ALG6: variants seen among roughly 807,000 people sequenced by gnomAD.
ALG6 encodes the protein dolichyl pyrophosphate Man9GlcNAc2 alpha-1,3-glucosyltransferase.
A neutral mutation model predicts 66.6 loss-of-function variants in ALG6; 46 were observed. The observed-to-expected ratio is 0.69, with a 90% confidence interval of 0.55 to 0.88. The LOEUF (loss-of-function observed/expected upper bound fraction) is 0.88, where lower values mean the gene tolerates loss of function less well. ALG6 is among the 40% of genes least tolerant of loss of function. The pLI is 0.00. For synonymous variants in ALG6, 185 were observed against 203.7 expected (o/e 0.91, Z 0.78); for missense variants, 505 against 586.8 (o/e 0.86, Z 1.44).
chr1:63,411,409 A>G (rs1265307945), intron 8 of ALG6, 78 bp downstream of exon 8: 18 of 1,327,394 alleles, frequency 1.4e-5, no homozygotes, highest in East Asian at 2.4e-5. Flanking sequence ...CAGTAAGATG[A>G]TCTTTCACTT....
intron 2 of ALG6, among the ~76,000 whole-genome samples, chr1:63,378,856 A>T: frequency 7.2e-6 from 1 of 138,092 alleles, no homozygotes; most frequent in Non-Finnish European, 1.5e-5. Flanking sequence ...GCTGTGCTTA[A>T]TTTGTTTGTT....
In ALG6 at chr1:63,393,703, C is replaced by T. The variant is rs1648737471; in HGVS notation, c.83-2810C>T. ...TTTTTGGGTGAGAACTCATATATGGCACTGTGTTAAAGCAACCTCGGCAAA... is the reference window on the plus strand; with the variant it reads ...TTTTTGGGTGAGAACTCATATATGGTACTGTGTTAAAGCAACCTCGGCAAA... On this transcript the variant is annotated intron_variant, in intron 2 of 14. Coordinates refer to ENST00000263440, the MANE Select transcript of ALG6 (RefSeq NM_013339.4). 4.6e-5 allele frequency among the ~76,000 whole-genome samples: 7 copies of T among 152,250 alleles called. No homozygotes were observed. In the South Asian group the frequency reaches 1.5e-3, roughly 32 times the overall value.
intron 14 of ALG6, among the ~76,000 whole-genome samples, chr1:63,436,375 C>T (rs1172116591): frequency 6.6e-6 from 1 of 152,128 alleles, no homozygotes; most frequent in Non-Finnish European, 1.5e-5. Flanking sequence ...TACTGACCTG[C>T]CAAACACTAG....
rs746703376 is a variant in ALG6 at position 63,371,068 on chromosome 1, T to G, written c.82+9T>G. 6.3e-7 allele frequency: 1 copy of G among 1,584,714 alleles called. No individual in the cohort carries two copies. Among genetic ancestry groups the G allele is most frequent in the Admixed American group, 1.7e-5 (1 of 59,962 alleles). ...TCTTAATTCTTATTCAGGTAATACA[T>G]TTTTACTGGTTAAAAAAAAAACGAA... On this transcript the variant is annotated intron_variant, in intron 2 of 14. Coordinates refer to ENST00000263440, the MANE Select transcript of ALG6 (RefSeq NM_013339.4).
At chr1:63,391,076 C>G (rs1648659845) in intron 2 of ALG6, among the ~76,000 whole-genome samples, 3 of 152,170 alleles carry the variant, frequency 2.0e-5, no homozygotes, top group South Asian at 4.1e-4. Context: ...CCATCCTGCT[C>G]TGCCTCCTCT....
Position 63,370,758 on chromosome 1 carries a change from T to A in ALG6, c.-207-13T>A, listed in dbSNP as rs1647895845. The A allele has an allele frequency of 3.5e-6, 2 of 563,928 alleles. No individual in the cohort carries two copies. The highest frequency in any genetic ancestry group is 4.0e-5 in the South Asian group (2 of 49,606). 34.9% of individuals were successfully genotyped at this position (563,928 alleles called of 1,614,324 possible). ...ACTCAGCTGAATCTTGATATCTTTT[T>A]TTTTCCCCTTAGGATACTTCTACAT... On this transcript the variant is annotated splice_polypyrimidine_tract_variant and intron_variant, in intron 1 of 14. Transcript: ENST00000263440.
At chr1:63,431,942 G>T (rs547062680) in intron 14 of ALG6, among the ~76,000 whole-genome samples, 1 of 152,120 alleles carries the variant, frequency 6.6e-6, no homozygotes, top group East Asian at 1.9e-4. Flanking sequence ...AATGTAATCT[G>T]CAAACCATGA....
At position 63,402,272 on chromosome 1, in the gene ALG6, T is replaced by A; in HGVS notation, c.186T>A (p.Asp62Glu). ...TTTTCAGGTATTTTAACAGCAGTGA[T>A]AACAATTTACAGTATTGGGGATTGG... The part of the protein sequence containing the change: ...PVKQWYFNSS[D>E]NNLQYWGLDY... The change falls in exon 4 of 15, where the codon GAT (aspartate) becomes GAA (glutamate). Residue 62 changes from aspartate (D) to glutamate (E), a missense_variant. Physicochemically the swap from Asp to Glu is conservative, Grantham distance 45. Coordinates refer to ENST00000263440, the MANE Select transcript of ALG6 (RefSeq NM_013339.4). 1 of 1,607,596 alleles carries A rather than the reference T, an allele frequency of 6.2e-7. No homozygotes were observed. The highest frequency in any genetic ancestry group is 1.3e-5 in the African/African-American group (1 of 74,912).
chr1:63,377,794 C>T (rs1292763062), intron 2 of ALG6, among the ~76,000 whole-genome samples: 1 of 152,184 alleles, frequency 6.6e-6, no homozygotes, highest in Non-Finnish European at 1.5e-5. Context: ...AGTACAGTGG[C>T]ATGACCATAG....
intron 2 of ALG6, among the ~76,000 whole-genome samples, chr1:63,388,186 T>C (rs1648563159): frequency 1.3e-5 from 2 of 152,090 alleles, no homozygotes; most frequent in South Asian, 4.1e-4. Flanking sequence ...CCCAAAGTGC[T>C]GGGATTACAG....
chr1:63,383,581 A>G (rs1648404916), intron 2 of ALG6, among the ~76,000 whole-genome samples: 1 of 152,184 alleles, frequency 6.6e-6, no homozygotes, highest in Non-Finnish European at 1.5e-5. Context: ...GCACCTGGCT[A>G]ACATGAAATG....
chr1:63,381,433 G>A (rs1026209434), intron 2 of ALG6, among the ~76,000 whole-genome samples: 2 of 152,148 alleles, frequency 1.3e-5, no homozygotes, highest in Admixed American at 6.5e-5. Flanking sequence ...CAGCCTGGGC[G>A]ACAGAGCGAG....
At chr1:63,427,096 G>A (rs1170198614) in intron 12 of ALG6, among the ~76,000 whole-genome samples, 1 of 151,868 alleles carries the variant, frequency 6.6e-6, no homozygotes, top group Non-Finnish European at 1.5e-5. Context: ...CGACTCCCTG[G>A]TTCAAGCAAT....
chr1:63,411,095 G>A (rs769290634), intron 7 of ALG6, 51 bp from the exon 8 acceptor site: 59 of 1,596,028 alleles, frequency 3.7e-5, no homozygotes, highest in Non-Finnish European at 4.9e-5. Flanking sequence ...CTTTTTAAAA[G>A]CTCTATCTTT....
chr1:63,406,585 A>G (rs1644490794), intron 6 of ALG6, among the ~76,000 whole-genome samples, 186 bp downstream of exon 6: 1 of 152,094 alleles, frequency 6.6e-6, no homozygotes, highest in Non-Finnish European at 1.5e-5. Context: ...TTAGTGTACT[A>G]CTAAGATACA....
intron 2 of ALG6, among the ~76,000 whole-genome samples, chr1:63,388,604 G>A (rs551916813): frequency 3.9e-5 from 6 of 152,198 alleles, no homozygotes; most frequent in South Asian, 2.1e-4. Flanking sequence ...CAAGATATGG[G>A]TAGTTTACAA....
rs747949468 is a variant in ALG6, at chr1:63,404,586, A to T, written c.346+45A>T. ...TGAATATAAAATTTGATTTTTTAAA[A>T]ATTTTGGACAAACTGGTAAAGGTAC... On this transcript the variant is annotated intron_variant, in intron 5 of 14. Transcript: ENST00000263440. 1.1e-5 allele frequency: 17 copies of T among 1,537,558 alleles called. No individual in the cohort carries two copies. The African/African-American group carries it at 2.2e-4, about 20-fold the overall frequency.
Position 63,367,765 on chromosome 1 carries a change from C to G in ALG6, c.-208+78C>G, listed in dbSNP as rs3737897. On this transcript the variant is annotated intron_variant, in intron 1 of 14. Transcript: ENST00000263440. ...GCCGGGGGCTCGGACGCGCCACGAG[C>G]CGGCGCAGAGCTGGCGACCCGTCTC... 15,138 of 152,354 alleles carry G rather than the reference C, an allele frequency of 0.099. 827 individuals carry two copies. Among genetic ancestry groups the G allele is most frequent in the South Asian group, 0.16 (783 of 4,830 alleles). The allele number at this position is 152,354 out of a possible 1,614,324, so 9.4% of individuals were successfully genotyped here.
At chr1:63,412,199 T>C (rs1176552784) in intron 9 of ALG6, 138 bp downstream of exon 9, 1 of 1,326,284 alleles carries the variant, frequency 7.5e-7, no homozygotes, top group African/African-American at 1.4e-5. Flanking sequence ...TATTGCTTGA[T>C]TGATTAATTG....
Sources: allele counts gnomAD v4.1 joint callset (sites outside exome capture counted in the v4.1 genomes callset), GRCh38; gene constraint gnomAD v4.1.1; transcripts MANE v1.5; gene names NCBI Gene and HGNC (gene_info 2026-07-23, HGNC 2026-07-21).